ZNF277: variants seen among roughly 807,000 people sequenced by gnomAD.
ZNF277 encodes the protein zinc finger protein 277.
ZNF277 carries 55 observed loss-of-function variants against 60.7 expected under a neutral mutation model. The observed-to-expected ratio is 0.91, with a 90% CI of 0.73 to 1.13. ZNF277 has a LOEUF of 1.13. ZNF277 is among the 50% of genes most tolerant of loss of function. The probability of loss-of-function intolerance (pLI) is 0.00; values close to 1 mark genes in which losing one functional copy is unlikely to be tolerated. For missense variants in ZNF277, 510 were observed against 523.0 expected (o/e 0.98, Z 0.24); for synonymous variants, 178 against 179.3 (o/e 0.99, Z 0.06).
intron 1 of ZNF277, among the ~76,000 whole-genome samples, chr7:112,251,312 T>A (rs1413874124): frequency 6.6e-6 from 1 of 152,232 alleles, no homozygotes; most frequent in Non-Finnish European, 1.5e-5. Context: ...GATGGCACAC[T>A]GAAGACTCCC....
At chr7:112,230,706 T>A (rs970054885) in intron 1 of ZNF277, among the ~76,000 whole-genome samples, 11 of 152,358 alleles carry the variant, frequency 7.2e-5, no homozygotes, top group African/African-American at 2.6e-4. Context: ...ATGCTTTTCT[T>A]ATTTCTAAGG....
chr7:112,231,257 G>A (rs534125116), intron 1 of ZNF277, among the ~76,000 whole-genome samples: 1 of 151,932 alleles, frequency 6.6e-6, no homozygotes, highest in South Asian at 2.1e-4. Context: ...ATGTGTGTGT[G>A]TAAAATTTTT....
rs1170078999 is a variant in ZNF277 at position 112,296,912 on chromosome 7, ATTTTTTTTTTTTTTTTT to A, written c.465+618_465+634del. 2.2e-3 allele frequency among the ~76,000 whole-genome samples: 86 copies of A among 39,676 alleles called. 2 individuals are homozygous for A. Among genetic ancestry groups the A allele is most frequent in the African/African-American group, 4.6e-3 (81 of 17,654 alleles). 26.0% of individuals were successfully genotyped at this position (39,676 alleles called of 152,430 possible). A position where few individuals can be genotyped will look rare whatever the true frequency, so the allele number is the denominator to read the frequency against. On this transcript the variant is annotated intron_variant, in intron 4 of 11. Coordinates refer to ENST00000361822, the MANE Select transcript of ZNF277 (RefSeq NM_021994.3). ...ATTTTATTTATTTATTTATTTATTT[ATTTTTTTTTTTTTTTTT>A]TTTTTTTTTTTTTTTTGAGATGGAG...
At chr7:112,322,396 C>A (rs1386230658) in intron 5 of ZNF277, among the ~76,000 whole-genome samples, 3 of 151,772 alleles carry the variant, frequency 2.0e-5, no homozygotes, top group Non-Finnish European at 4.4e-5. Flanking sequence ...TCCCATTTGA[C>A]CAATCTTCAA....
chr7:112,229,705 A>T (rs1016760000), intron 1 of ZNF277, among the ~76,000 whole-genome samples: 3 of 152,236 alleles, frequency 2.0e-5, no homozygotes, highest in Non-Finnish European at 4.4e-5. Context: ...AAAGAACAAG[A>T]CAAGTTCCTG....
chr7:112,310,426 C>T (rs751139010), intron 4 of ZNF277, among the ~76,000 whole-genome samples: 3 of 132,600 alleles, frequency 2.3e-5, no homozygotes, highest in Non-Finnish European at 3.2e-5. Context: ...CTGAGAGCCA[C>T]ATTTAGGGCC....
At position 112,343,457 on chromosome 7, in the gene ZNF277, A is replaced by G. The variant is rs1177850744; in HGVS notation, c.*728A>G. 6.6e-6 allele frequency among the ~76,000 whole-genome samples: 1 copy of G among 152,214 alleles called. No homozygotes were observed. Among genetic ancestry groups the G allele is most frequent in the Non-Finnish European group, 1.5e-5 (1 of 68,042 alleles). On this transcript the variant is annotated 3_prime_UTR_variant, in exon 12 of 12. Transcript: ENST00000361822. ...TAAAAAACATTAACATTAACTTAAT[A>G]TCATCTGTTTTCAGTTTTTCCCACT...
chr7:112,330,199 T>C lies in ZNF277; in HGVS notation c.784T>C (p.Tyr262His). The C allele has an allele frequency of 1.2e-6, 2 of 1,612,792 alleles. No homozygotes were observed. Among genetic ancestry groups the C allele is most frequent in the Non-Finnish European group, 1.7e-6 (2 of 1,179,786 alleles). Residue 262 changes from tyrosine to histidine, a missense_variant, in exon 7 of 12, where the codon TAT becomes CAT. Transcript: ENST00000361822. ...TAAGAACAGAGAATATGACAGATTT[T>C]ATGTCATCAATTATTTGGTAAGGCT... ...NPKNREYDRF[Y>H]VINYLELGKS...
At chr7:112,245,227 G>A (rs909300636) in intron 1 of ZNF277, among the ~76,000 whole-genome samples, 1 of 151,914 alleles carries the variant, frequency 6.6e-6, no homozygotes, top group African/African-American at 2.4e-5. Context: ...TTCCTTTACC[G>A]CTACCTTAAG....
intron 1 of ZNF277, among the ~76,000 whole-genome samples, chr7:112,262,247 CAAAAAAAA>C (rs376386868): frequency 3.9e-5 from 3 of 77,674 alleles, no homozygotes; most frequent in African/African-American, 8.5e-5. Context: ...AAAAGCAATA[CAAAAAAAA>C]AAAAAAAAAA....
At chr7:112,308,931 G>A (rs1299144987) in intron 4 of ZNF277, among the ~76,000 whole-genome samples, 2 of 151,982 alleles carry the variant, frequency 1.3e-5, no homozygotes, top group African/African-American at 4.8e-5. Flanking sequence ...TAGACAAGGG[G>A]GATATGATCT....
intron 6 of ZNF277, among the ~76,000 whole-genome samples, chr7:112,329,594 A>T (rs1284013024): frequency 6.6e-6 from 1 of 152,206 alleles, no homozygotes; most frequent in East Asian, 1.9e-4. Context: ...TCTTCAGTTT[A>T]GAAATCAGAA....
At chr7:112,223,158 C>T (rs887990405) in intron 1 of ZNF277, among the ~76,000 whole-genome samples, 3 of 152,206 alleles carry the variant, frequency 2.0e-5, no homozygotes, top group Non-Finnish European at 2.9e-5. Context: ...AGAACCCTGA[C>T]TAACGTAGCA....
At chr7:112,278,498 A>G in intron 1 of ZNF277, among the ~76,000 whole-genome samples, 1 of 152,202 alleles carries the variant, frequency 6.6e-6, no homozygotes, top group Non-Finnish European at 1.5e-5. Context: ...GATAGGAACT[A>G]ACCTATAATT....
chr7:112,215,036 G>A (rs1821845477), intron 1 of ZNF277, among the ~76,000 whole-genome samples: 1 of 152,112 alleles, frequency 6.6e-6, no homozygotes, highest in Non-Finnish European at 1.5e-5. Flanking sequence ...TGAATCTTGA[G>A]GCACTATGAA....
At chr7:112,249,563 C>T (rs1227039728) in intron 1 of ZNF277, among the ~76,000 whole-genome samples, 2 of 151,974 alleles carry the variant, frequency 1.3e-5, no homozygotes, top group Non-Finnish European at 2.9e-5. Context: ...TGTGTTCAAG[C>T]ACAGGTGGTC....
At chr7:112,273,419 C>G (rs150620417) in intron 1 of ZNF277, among the ~76,000 whole-genome samples, 248 of 152,322 alleles carry the variant, frequency 1.6e-3, no homozygotes, top group Non-Finnish European at 2.3e-3. Context: ...CACATGGCCA[C>G]TGCTGGGGGA....
intron 1 of ZNF277, among the ~76,000 whole-genome samples, chr7:112,231,665 T>G (rs1472249227): frequency 6.6e-6 from 1 of 151,924 alleles, no homozygotes; most frequent in East Asian, 1.9e-4. Context: ...TGCCTATGAG[T>G]GTTTTTACTG....
intron 1 of ZNF277, among the ~76,000 whole-genome samples, chr7:112,216,498 T>G (rs981439411): frequency 1.3e-5 from 2 of 152,068 alleles, no homozygotes; most frequent in Non-Finnish European, 2.9e-5. Flanking sequence ...TTTGTATAGA[T>G]GAGGTTTCGC....
Sources: allele counts gnomAD v4.1 joint callset (sites outside exome capture counted in the v4.1 genomes callset), GRCh38; gene constraint gnomAD v4.1.1; transcripts MANE v1.5; gene names NCBI Gene and HGNC (gene_info 2026-07-23, HGNC 2026-07-21).